The following PRPF4 variants were observed in gnomAD, a reference collection of about 807,000 sequenced individuals.
PRPF4 encodes the protein U4/U6 small nuclear ribonucleoprotein Prp4.
In PRPF4, 14 loss-of-function variants were observed where a neutral mutation model predicts 72.2. The observed-to-expected ratio is 0.19, with a 90% confidence interval of 0.13 to 0.30. The LOEUF is 0.30. Among genes scored for constraint, PRPF4 ranks in the 10% least tolerant of loss-of-function variants. PRPF4 has a pLI of 1.00. For synonymous variants in PRPF4, 225 were observed against 232.2 expected (o/e 0.97, Z 0.28); for missense variants, 478 against 653.9 (o/e 0.73, Z 2.93).
At chr9:113,286,881 A>C in intron 9 of PRPF4, 53 bp downstream of exon 9, 1 of 1,612,212 alleles carries the variant, frequency 6.2e-7, no homozygotes. Context: ...TAGATGTTTG[A>C]TTGGTTGGTC....
chr9:113,279,313 G>A (rs1005999047), intron 3 of PRPF4, among the ~76,000 whole-genome samples, 182 bp downstream of exon 3: 1 of 151,514 alleles, frequency 6.6e-6, no homozygotes, highest in African/African-American at 2.4e-5. Context: ...CACTATTAAT[G>A]TTTCTTTTTT....
chr9:113,275,864 C>T lies in PRPF4; in HGVS notation c.27+94C>T. ...GGGGCCGTTAAGGAGCGGGAGAAGGCGGTGGAGGGCTGAGGAGGAAGGCTG... is the reference window on the plus strand; with the variant it reads ...GGGGCCGTTAAGGAGCGGGAGAAGGTGGTGGAGGGCTGAGGAGGAAGGCTG... On this transcript the variant is annotated intron_variant, in intron 1 of 13. Transcript: ENST00000374198. 4.6e-6 allele frequency: 7 copies of T among 1,519,696 alleles called. No homozygotes were observed. In the South Asian group the frequency reaches 5.9e-5, roughly 13 times the overall value. 94.1% of individuals were successfully genotyped at this position (1,519,696 alleles called of 1,614,324 possible).
chr9:113,276,073 G>C (rs1832085005), intron 1 of PRPF4, among the ~76,000 whole-genome samples: 1 of 152,258 alleles, frequency 6.6e-6, no homozygotes, highest in African/African-American at 2.4e-5. Flanking sequence ...GCCTTTGGCA[G>C]ATCTCAGAAT....
chr9:113,291,073 C>A, intron 13 of PRPF4, 57 bp downstream of exon 13: 1 of 1,511,000 alleles, frequency 6.6e-7, no homozygotes, highest in South Asian at 1.1e-5. Context: ...ATTGTGTTCC[C>A]GTGGAATGCA....
chr9:113,282,958 A>T, intron 4 of PRPF4, 174 bp from the exon 5 acceptor site: 1 of 1,225,366 alleles, frequency 8.2e-7, no homozygotes, highest in East Asian at 2.4e-5. Context: ...TTCCTGGTAT[A>T]ACCATGTAGT....
At chr9:113,286,432 C>G in intron 8 of PRPF4, 142 bp downstream of exon 8, 1 of 914,790 alleles carries the variant, frequency 1.1e-6, no homozygotes, top group East Asian at 2.5e-5. Context: ...GGCTGCAAGA[C>G]TGGACTATCA....
At position 113,283,498 on chromosome 9, in the gene PRPF4, C is replaced by A; in HGVS notation, c.654+16C>A. ...GTCTCTCCGGGTAAGATGCTCCCAG[C>A]AATTGTCCCACATCTTAAAGGTTCT... On this transcript the variant is annotated intron_variant, in intron 6 of 13. Coordinates refer to ENST00000374198, the MANE Select transcript of PRPF4 (RefSeq NM_001244926.2). 6.2e-7 allele frequency: 1 copy of A among 1,612,608 alleles called. No homozygotes were observed. The highest frequency in any genetic ancestry group is 8.5e-7 in the Non-Finnish European group (1 of 1,178,884).
At chr9:113,287,305 A>G (rs763195833) in intron 9 of PRPF4, among the ~76,000 whole-genome samples, 2 of 152,202 alleles carry the variant, frequency 1.3e-5, no homozygotes, top group Non-Finnish European at 2.9e-5. Flanking sequence ...ACAATGAACT[A>G]AATATAATAT....
In PRPF4 at chr9:113,291,701, A is replaced by C; in HGVS notation, c.*41A>C. On this transcript the variant is annotated 3_prime_UTR_variant, in exon 14 of 14. Transcript: ENST00000374198. Reference sequence around the variant, plus strand: ...GGACTTGAACCTCAAGCTCTCTCTAAGGAGCTGTTTTCCTCAAACGAGAAG... The same window carrying C: ...GGACTTGAACCTCAAGCTCTCTCTACGGAGCTGTTTTCCTCAAACGAGAAG... The C allele has an allele frequency of 1.3e-6, 2 of 1,589,894 alleles. No individual in the cohort carries two copies. Among genetic ancestry groups the C allele is most frequent in the Non-Finnish European group, 1.7e-6 (2 of 1,160,844 alleles).
rs779480556 is a variant in PRPF4 at position 113,290,845 on chromosome 9, T to G, written c.1253+38T>G. On this transcript the variant is annotated intron_variant, in intron 12 of 13. Coordinates refer to ENST00000374198, the MANE Select transcript of PRPF4 (RefSeq NM_001244926.2). Reference sequence around the variant, plus strand: ...CACTGAATGAGGGGCGAAAAAGGGTTCTGGGTCAGTAAGTACTCTATTTCT... The same window carrying G: ...CACTGAATGAGGGGCGAAAAAGGGTGCTGGGTCAGTAAGTACTCTATTTCT... The G allele has an allele frequency of 7.4e-6, 12 of 1,612,166 alleles. No homozygotes were observed. The East Asian group carries it at 2.7e-4, about 36-fold the overall frequency.
chr9:113,283,830 G>A (rs548228425), intron 6 of PRPF4, among the ~76,000 whole-genome samples: 1 of 152,252 alleles, frequency 6.6e-6, no homozygotes, highest in South Asian at 2.1e-4. Context: ...ATTTTGGGAG[G>A]CAGAGGCAGG....
chr9:113,288,412 T>A, intron 10 of PRPF4, 148 bp downstream of exon 10: 1 of 708,720 alleles, frequency 1.4e-6, no homozygotes, highest in Non-Finnish European at 2.3e-6. Flanking sequence ...GGAGAATGTT[T>A]AATATAGTGA....
chr9:113,287,629 AC>A, intron 9 of PRPF4, among the ~76,000 whole-genome samples: 1 of 152,368 alleles, frequency 6.6e-6, no homozygotes, highest in African/African-American at 2.4e-5. Flanking sequence ...TCCTCACCAG[AC>A]AGGGTCTCAC....
rs1259732001 is a variant in PRPF4, at chr9:113,290,757, C to T, written c.1203C>T (p.Phe401=). The T allele has an allele frequency of 6.2e-7, 1 of 1,614,062 alleles. No individual in the cohort carries two copies. The highest frequency in any genetic ancestry group is 8.5e-7 in the Non-Finnish European group (1 of 1,180,060). Reference sequence around the variant, plus strand: ...TACGCACAGGACGTTGTATCATGTTCTTAGAAGGCCACCTGAAAGAAATCT... The same window carrying T: ...TACGCACAGGACGTTGTATCATGTTTTTAGAAGGCCACCTGAAAGAAATCT... ...WDLRTGRCIM[F]LEGHLKEIYG... Residue 401 remains phenylalanine, a synonymous_variant, in exon 12 of 14, where the codon TTC becomes TTT. Transcript: ENST00000374198.
In PRPF4 at chr9:113,282,640, T is replaced by A. The variant is rs79932308; in HGVS notation, c.393-6T>A. ...AAATTCTGATCTTTTTTTTTTTTTT[T>A]AACAGGTTAAGAAATATCCTCTCAG... On this transcript the variant is annotated splice_region_variant and splice_polypyrimidine_tract_variant and intron_variant, in intron 3 of 13. Transcript: ENST00000374198. 36 of 1,561,846 alleles carry A rather than the reference T, an allele frequency of 2.3e-5. No individual in the cohort carries two copies. The African/African-American group carries it at 3.1e-4, about 13-fold the overall frequency.
At chr9:113,291,086 C>A in intron 13 of PRPF4, 70 bp downstream of exon 13, 1 of 1,456,630 alleles carries the variant, frequency 6.9e-7, no homozygotes, top group Non-Finnish European at 9.6e-7. Context: ...GGAATGCAGG[C>A]CAGGCTTTAG....
In PRPF4 at chr9:113,279,077, C is replaced by T. The variant is rs1380395174; in HGVS notation, c.338C>T (p.Ala113Val). The change falls in exon 3 of 14, where the codon GCC (alanine) becomes GTC (valine). Residue 113 changes from alanine (A) to valine (V), a missense_variant. Coordinates refer to ENST00000374198, the MANE Select transcript of PRPF4 (RefSeq NM_001244926.2). ...TCAGAGGTCAAAGCTTGCCTTAGAG[C>T]CTTGGGGGAACCCATCACACTTTTT... ...DDSEVKACLR[A>V]LGEPITLFGE... 11 of 1,614,012 alleles carry T rather than the reference C, an allele frequency of 6.8e-6. No individual in the cohort carries two copies. Among genetic ancestry groups the T allele is most frequent in the Non-Finnish European group, 7.6e-6 (9 of 1,180,030 alleles).
chr9:113,285,490 T>C (rs1254981982), intron 7 of PRPF4, among the ~76,000 whole-genome samples: 2 of 148,414 alleles, frequency 1.3e-5, no homozygotes, highest in Non-Finnish European at 3.0e-5. Context: ...GCCATTCTCC[T>C]ACCTCAGCCT....
intron 10 of PRPF4, among the ~76,000 whole-genome samples, chr9:113,289,991 G>C (rs1007401587): frequency 4.6e-5 from 7 of 152,098 alleles, no homozygotes; most frequent in African/African-American, 1.7e-4. Flanking sequence ...AGACCACGGT[G>C]GGTGGATCAC....
Sources: gnomAD v4.1 joint callset for allele counts (sites outside exome capture counted in the v4.1 genomes callset) on GRCh38, gnomAD v4.1.1 for gene constraint, MANE v1.5 for transcripts, NCBI Gene and HGNC (gene_info 2026-07-23, HGNC 2026-07-21) for gene names.